NFE2L3: variants seen among roughly 807,000 people sequenced by gnomAD.
NFE2L3 encodes NFE2 like bZIP transcription factor 3.
In NFE2L3, 18 loss-of-function variants were observed where a neutral mutation model predicts 23.5. That is an observed-to-expected ratio of 0.77 (90% CI 0.53 to 1.13). NFE2L3 has a LOEUF of 1.13. Ranked by LOEUF, NFE2L3 falls within the 50% of genes most tolerant of loss-of-function variation. The pLI, the probability that NFE2L3 is intolerant of heterozygous loss-of-function variation, is 0.00. For synonymous variants in NFE2L3, 424 were observed against 354.5 expected (o/e 1.20, Z -2.20); for missense variants, 1,152 against 877.2 (o/e 1.31, Z -3.96).
At chr7:26,179,862 T>C (rs1784475807) in intron 2 of NFE2L3, among the ~76,000 whole-genome samples, 1 of 152,184 alleles carries the variant, frequency 6.6e-6, no homozygotes, top group Admixed American at 6.5e-5. Context: ...CATTTAAATA[T>C]TATACAACTC....
intron 1 of NFE2L3, among the ~76,000 whole-genome samples, chr7:26,155,407 A>G (rs1784066139): frequency 6.6e-6 from 1 of 151,950 alleles, no homozygotes; most frequent in African/African-American, 2.4e-5. Context: ...GTGCCACTGA[A>G]CTCCAGCCTG....
chr7:26,182,921 A>C (rs1782360556), intron 2 of NFE2L3, among the ~76,000 whole-genome samples: 1 of 152,152 alleles, frequency 6.6e-6, no homozygotes, highest in African/African-American at 2.4e-5. Context: ...ACCATCCCGG[A>C]GTAGCTGGGA....
At chr7:26,184,480 T>C (rs1363789446) in intron 3 of NFE2L3, 53 bp from the exon 4 acceptor site, 18 of 1,507,692 alleles carry the variant, frequency 1.2e-5, no homozygotes, top group Non-Finnish European at 1.6e-5. Flanking sequence ...GTAATAGAAC[T>C]GCTTCAGAAA....
rs979453397 is a variant in NFE2L3, at chr7:26,153,048, G to A, written c.550G>A (p.Ala184Thr). The A allele has an allele frequency of 1.7e-5, 26 of 1,526,600 alleles. No homozygotes were observed. The Admixed American group carries it at 2.4e-4, about 14-fold the overall frequency. 94.6% of individuals were successfully genotyped at this position (1,526,600 alleles called of 1,614,324 possible). A position where few individuals can be genotyped will look rare whatever the true frequency, so the allele number is the denominator to read the frequency against. ...PAEPTAQVPD[A>T]GGCASEENGV... The stretch of plus-strand genomic sequence containing the variant: ...GGAACCGACGGCTCAGGTGCCGGAC[G>A]CTGGCGGATGTGCGAGCGAGGTAGG... Residue 184 changes from alanine (A) to threonine (T), a missense_variant, in exon 1 of 4, where the codon GCT becomes ACT. Physicochemically the swap from Ala to Thr is moderately conservative, Grantham distance 58. Coordinates refer to ENST00000056233, the MANE Select transcript of NFE2L3 (RefSeq NM_004289.7).
At chr7:26,171,500 C>T (rs577622241) in intron 1 of NFE2L3, among the ~76,000 whole-genome samples, 14 of 150,836 alleles carry the variant, frequency 9.3e-5, no homozygotes, top group East Asian at 5.8e-4. Flanking sequence ...GCTGAGATCG[C>T]GCCATTGCAC....
rs1562680361 is a variant in NFE2L3 at position 26,184,872 on chromosome 7, ATAAAC to A, written c.1176_1180del (p.Leu394ValfsTer9). On this transcript the variant is annotated frameshift_variant, in exon 4 of 4. Transcript: ENST00000056233. LOFTEE classifies it low-confidence loss of function (END_TRUNC). ...CCTTGACATAAATATATTTGATGAG[ATAAAC>A]TTAATGTCATTGGCCACAGAAGACA... is the stretch of plus-strand genomic sequence containing the variant. The A allele has an allele frequency of 6.2e-7, 1 of 1,613,954 alleles. No individual in the cohort carries two copies.
rs1000159250 is a variant in NFE2L3, at chr7:26,185,838, T to A, written c.*55T>A. ...GAAGTAGTAATGTTCAGAAACTGAT[T>A]ATTTGGATCAGAAACCATTGAAACT... On this transcript the variant is annotated 3_prime_UTR_variant, in exon 4 of 4. Coordinates refer to ENST00000056233, the MANE Select transcript of NFE2L3 (RefSeq NM_004289.7). 1.4e-6 allele frequency: 2 copies of A among 1,392,350 alleles called. No individual in the cohort carries two copies. Among genetic ancestry groups the A allele is most frequent in the East Asian group, 4.8e-5 (2 of 41,438 alleles). 86.2% of individuals were successfully genotyped at this position (1,392,350 alleles called of 1,614,324 possible).
At chr7:26,164,667 T>A (rs903744328) in intron 1 of NFE2L3, among the ~76,000 whole-genome samples, 1 of 152,234 alleles carries the variant, frequency 6.6e-6, no homozygotes, top group Non-Finnish European at 1.5e-5. Flanking sequence ...TTCAATTAGA[T>A]CCCATTTGTC....
intron 1 of NFE2L3, among the ~76,000 whole-genome samples, chr7:26,173,051 A>G (rs1013366325): frequency 1.3e-5 from 2 of 151,838 alleles, no homozygotes; most frequent in Non-Finnish European, 2.9e-5. Context: ...TTATTTGTTT[A>G]TATTTGAGTG....
intron 1 of NFE2L3, among the ~76,000 whole-genome samples, chr7:26,172,226 T>C (rs1000028102): frequency 6.6e-6 from 1 of 152,278 alleles, no homozygotes; most frequent in Non-Finnish European, 1.5e-5. Context: ...GCTGTTGCCT[T>C]AGCCAAAGTG....
Position 26,185,289 on chromosome 7 carries a change from A to G in NFE2L3, c.1591A>G (p.Thr531Ala), listed in dbSNP as rs1368203246. 6.2e-7 allele frequency: 1 copy of G among 1,614,150 alleles called. No individual in the cohort carries two copies. Among genetic ancestry groups the G allele is most frequent in the Non-Finnish European group, 8.5e-7 (1 of 1,179,996 alleles). The change falls in exon 4 of 4, where the codon ACA becomes GCA. Residue 531 changes from threonine (T) to alanine (A), a missense_variant. Thr to Ala is a moderately conservative substitution (Grantham distance 58, BLOSUM62 0). Transcript: ENST00000056233. ...GATAAGGAGTAGATACCTTGAAGAC[A>G]CAGATAGAAACTTGAGCCGTGATGA... ...QKIRSRYLED[T>A]DRNLSRDEQR... is the part of the protein sequence containing the mutation.
At position 26,185,851 on chromosome 7, in the gene NFE2L3, A is replaced by C; in HGVS notation, c.*68A>C. 8.0e-7 allele frequency: 1 copy of C among 1,246,528 alleles called. No individual in the cohort carries two copies. Among genetic ancestry groups the C allele is most frequent in the East Asian group, 2.5e-5 (1 of 39,838 alleles). 77.2% of individuals were successfully genotyped at this position (1,246,528 alleles called of 1,614,324 possible). A position where few individuals can be genotyped will look rare whatever the true frequency, so the allele number is the denominator to read the frequency against. On this transcript the variant is annotated 3_prime_UTR_variant, in exon 4 of 4. Coordinates refer to ENST00000056233, the MANE Select transcript of NFE2L3 (RefSeq NM_004289.7). The stretch of plus-strand genomic sequence containing the variant: ...TCAGAAACTGATTATTTGGATCAGA[A>C]ACCATTGAAACTGCTTCAAGAATTG...
intron 1 of NFE2L3, among the ~76,000 whole-genome samples, chr7:26,161,771 G>T (rs866290929): frequency 6.6e-6 from 1 of 152,118 alleles, no homozygotes; most frequent in African/African-American, 2.4e-5. Flanking sequence ...GATGGGGGTG[G>T]AGGTAGGTTG....
intron 1 of NFE2L3, among the ~76,000 whole-genome samples, chr7:26,163,512 A>G (rs1784202845): frequency 6.6e-6 from 1 of 152,046 alleles, no homozygotes; most frequent in Admixed American, 6.5e-5. Context: ...AAGCCCAGCT[A>G]ATTTTTGTAT....
At chr7:26,175,986 TC>T (rs1327163406) in intron 1 of NFE2L3, among the ~76,000 whole-genome samples, 10 of 151,650 alleles carry the variant, frequency 6.6e-5, no homozygotes, top group Non-Finnish European at 1.3e-4. Flanking sequence ...TCTCTGGTTT[TC>T]CTAGGCAGAG....
intron 2 of NFE2L3, among the ~76,000 whole-genome samples, chr7:26,182,730 G>A (rs73281523): frequency 0.03 from 4,621 of 151,958 alleles, 83 homozygotes; most frequent in Middle Eastern, 0.054. Flanking sequence ...ATAAAGGCCA[G>A]GAGTGAGATG....
intron 2 of NFE2L3, among the ~76,000 whole-genome samples, chr7:26,179,610 G>A (rs1784471273): frequency 2.0e-5 from 3 of 152,286 alleles, no homozygotes; most frequent in African/African-American, 7.2e-5. Context: ...GCAGGCTGAG[G>A]TGGGAGGATC....
chr7:26,184,230 G>A (rs946838352), intron 3 of NFE2L3: 2 of 366,700 alleles, frequency 5.5e-6, no homozygotes, highest in Non-Finnish European at 9.9e-6. Flanking sequence ...GCTAGGATGA[G>A]TTGCATCTTA....
chr7:26,152,615 C>T lies in NFE2L3; in HGVS notation c.117C>T (p.Pro39=). The T allele has an allele frequency of 6.5e-7, 1 of 1,537,884 alleles. No individual in the cohort carries two copies. The highest frequency in any genetic ancestry group is 8.7e-7 in the Non-Finnish European group (1 of 1,153,312). Residue 39 remains proline (P), a synonymous_variant, in exon 1 of 4, where the codon CCC becomes CCT. Transcript: ENST00000056233. The surrounding 1 kb of genome is among the most constrained non-coding windows in gnomAD (Gnocchi z 4.4). The part of the protein sequence containing the change: ...DLDLYLLLPP[P]TLLQDELLFL... ...ATCTTTACCTGCTGCTGCCGCCGCC[C>T]ACCCTGCTGCAGGACGAGCTGCTGT... is the stretch of plus-strand genomic sequence containing the variant.
Sources: gnomAD v4.1 joint callset for allele counts (sites outside exome capture counted in the v4.1 genomes callset) on GRCh38, gnomAD v4.1.1 for gene constraint, Gnocchi (gnomAD v3.1) non-coding constraint, MANE v1.5 for transcripts, NCBI Gene and HGNC (gene_info 2026-07-23, HGNC 2026-07-21) for gene names.